Variants in STAG2 observed in about 807,000 individuals in gnomAD.
STAG2 encodes STAG2 cohesin complex component.
In STAG2, 14 loss-of-function variants were observed where a neutral mutation model predicts 108.1. That is an observed-to-expected ratio of 0.13 (90% CI 0.09 to 0.20). STAG2 has a LOEUF of 0.20. STAG2 is among the 10% of genes least tolerant of loss of function. The pLI, the probability that STAG2 is intolerant of heterozygous loss-of-function variation, is 1.00. For missense variants in STAG2, 440 were observed against 940.9 expected, an observed-to-expected ratio of 0.47 and a Z score of 6.96; for synonymous variants, 307 against 302.7, an observed-to-expected ratio of 1.01 and a Z score of -0.15.
chrX:124,054,412 T>G (rs907565005), intron 13 of STAG2, among the ~76,000 whole-genome samples: 1 of 112,209 alleles, frequency 8.9e-6, no homozygotes. Context: ...CTCACTTACC[T>G]TGGAATTTCT....
chrX:124,035,515 T>TA (rs2057489552), intron 5 of STAG2, among the ~76,000 whole-genome samples: 4 of 112,021 alleles, frequency 3.6e-5, no homozygotes, highest in African/African-American at 1.3e-4. Context: ...ACAACAATCA[T>TA]TTTATTATGC....
chrX:124,062,504 T>C (rs2058412586), intron 17 of STAG2, among the ~76,000 whole-genome samples: 1 of 112,439 alleles, frequency 8.9e-6, no homozygotes, highest in South Asian at 3.6e-4. Context: ...AGCAATTTAG[T>C]GTTTTGAATT....
At position 124,100,650 on chromosome X, in the gene STAG2, A is replaced by G. The variant is rs1200439552; in HGVS notation, c.*53A>G. 3.0e-6 allele frequency: 3 copies of G among 1,011,652 alleles called. No homozygotes were observed. The highest frequency in any genetic ancestry group is 4.0e-5 in the South Asian group (2 of 50,463). 83.4% of individuals were successfully genotyped at this position (1,011,652 alleles called of 1,213,427 possible). ...AAGTCATTTTCTAAGTGGAAGAGGA[A>G]ATTTTAAAGTGTGGTAGATACAGTG... On this transcript the variant is annotated 3_prime_UTR_variant, in exon 35 of 35. Transcript: ENST00000371145.
chrX:124,033,101 A>G (rs2057397447), intron 5 of STAG2, among the ~76,000 whole-genome samples: 1 of 112,362 alleles, frequency 8.9e-6, no homozygotes, highest in Non-Finnish European at 1.9e-5. Flanking sequence ...AAATCCGTTT[A>G]TTAATGTTTG....
chrX:123,967,961 C>T (rs1350588336), intron 1 of STAG2, among the ~76,000 whole-genome samples: 3 of 106,661 alleles, frequency 2.8e-5, no homozygotes, highest in South Asian at 4.2e-4. Flanking sequence ...GGTGCAGTGG[C>T]GAGATCTTGG....
At chrX:124,064,710 C>T (rs1364726327) in intron 20 of STAG2, among the ~76,000 whole-genome samples, 1 of 111,220 alleles carries the variant, frequency 9.0e-6, no homozygotes, top group African/African-American at 3.3e-5. Flanking sequence ...TTGCAAAGTG[C>T]TGGGATTACA....
chrX:124,088,780 A>G (rs1016012359), intron 30 of STAG2, among the ~76,000 whole-genome samples: 2 of 107,540 alleles, frequency 1.9e-5, no homozygotes, highest in Middle Eastern at 4.9e-3. Context: ...ACACCTGGCT[A>G]ATTTTGTATT....
intron 1 of STAG2, among the ~76,000 whole-genome samples, chrX:123,980,867 A>C (rs1433466883): frequency 9.0e-6 from 1 of 111,552 alleles, no homozygotes; most frequent in African/African-American, 3.3e-5. Flanking sequence ...ATATGATTGG[A>C]ATTTCTGGAG....
intron 15 of STAG2, 82 bp downstream of exon 15, chrX:124,058,059 T>G: frequency 2.0e-6 from 1 of 500,701 alleles, no homozygotes; most frequent in Non-Finnish European, 3.2e-6. Flanking sequence ...TAAAAAAATA[T>G]TCCTTGTAGC....
At chrX:124,018,451 TG>T (rs2056805706) in intron 1 of STAG2, among the ~76,000 whole-genome samples, 4 of 13,151 alleles carry the variant, frequency 3.0e-4, no homozygotes, top group Admixed American at 1.5e-3. Flanking sequence ...ACACATTGGA[TG>T]GATGGATGGA....
At chrX:124,096,475 AT>A (rs748406167) in intron 34 of STAG2, among the ~76,000 whole-genome samples, 8 of 110,064 alleles carry the variant, frequency 7.3e-5, no homozygotes, top group African/African-American at 1.7e-4. Context: ...ACTTCCACAG[AT>A]TTTTTTTTCT....
In STAG2 at chrX:124,072,880, TTTTC is replaced by T. The variant is rs1173440485; in HGVS notation, c.2533+1581_2533+1584del. Among the ~76,000 whole-genome samples the T allele has an allele frequency of 1.6e-3, 160 of 100,915 alleles. 1 individual carries two copies. In the East Asian group the frequency reaches 0.026, roughly 16 times the overall value. The allele number at this position is 100,915 out of a possible 115,157, so 87.6% of individuals were successfully genotyped here. A position where few individuals can be genotyped will look rare whatever the true frequency, so the allele number is the denominator to read the frequency against. ...CACGCCCAGCTAATTTTTCTTTTTT[TTTTC>T]TTTCTTTCTTTCTTTCTTTCTTTTT... On this transcript the variant is annotated intron_variant, in intron 25 of 34. Transcript: ENST00000371145.
In STAG2 at chrX:124,068,034, C is replaced by CAA. The variant is rs11366862; in HGVS notation, c.2266-519_2266-518dup. On this transcript the variant is annotated intron_variant, in intron 23 of 34. Transcript: ENST00000371145. ...CTGGGCAATAGAGTGAGCTCCATCTCAAAAAAAAAAAACCCAATAAAAATA... is the reference window on the plus strand; with the variant it reads ...CTGGGCAATAGAGTGAGCTCCATCTCAAAAAAAAAAAAAACCCAATAAAAATA... 1.2e-4 allele frequency among the ~76,000 whole-genome samples: 11 copies of CAA among 90,490 alleles called. No individual in the cohort carries two copies. The South Asian group carries it at 4.3e-3, about 35-fold the overall frequency. 78.6% of individuals were successfully genotyped at this position (90,490 alleles called of 115,157 possible).
intron 32 of STAG2, among the ~76,000 whole-genome samples, chrX:124,091,777 T>C (rs1291352388): frequency 1.8e-5 from 2 of 112,844 alleles, no homozygotes; most frequent in Non-Finnish European, 3.7e-5. Flanking sequence ...CTATCAGTGC[T>C]TGGCACGTAA....
chrX:123,974,386 C>G (rs1344825359), intron 1 of STAG2, among the ~76,000 whole-genome samples: 1 of 107,979 alleles, frequency 9.3e-6, no homozygotes, highest in Non-Finnish European at 1.9e-5. Context: ...GCACCCGCCA[C>G]CAGGCCTGGC....
chrX:124,042,557 T>G lies in STAG2; in HGVS notation c.386-12T>G, dbSNP rs1293835583. Reference sequence around the variant, plus strand: ...ACACCATATATTAACTTCTGACATTTGCAAATTTCAGGAGTTGTCACAGCA... The same window carrying G: ...ACACCATATATTAACTTCTGACATTGGCAAATTTCAGGAGTTGTCACAGCA... On this transcript the variant is annotated splice_polypyrimidine_tract_variant and intron_variant, in intron 6 of 34. Transcript: ENST00000371145. 1.1e-5 allele frequency: 13 copies of G among 1,181,314 alleles called. No individual in the cohort carries two copies. Among genetic ancestry groups the G allele is most frequent in the Non-Finnish European group, 1.4e-5 (12 of 869,472 alleles).
intron 1 of STAG2, among the ~76,000 whole-genome samples, chrX:124,005,148 A>AT (rs1016306604): frequency 9.0e-6 from 1 of 111,187 alleles, no homozygotes; most frequent in Non-Finnish European, 1.9e-5. Flanking sequence ...TTTTATTTGT[A>AT]TTTTTTTTAT....
intron 1 of STAG2, among the ~76,000 whole-genome samples, chrX:123,981,741 A>G (rs2054887820): frequency 9.0e-6 from 1 of 111,379 alleles, no homozygotes; most frequent in Admixed American, 9.6e-5. Context: ...CACTGTGCTA[A>G]GCACTGGGGA....
At chrX:124,028,953 G>A (rs2057217372) in intron 4 of STAG2, among the ~76,000 whole-genome samples, 1 of 99,522 alleles carries the variant, frequency 1.0e-5, no homozygotes, top group Non-Finnish European at 2.0e-5. Context: ...GCTCCCGGTC[G>A]TTTTAATATT....
Sources: allele counts gnomAD v4.1 joint callset (sites outside exome capture counted in the v4.1 genomes callset), GRCh38; gene constraint gnomAD v4.1.1; transcripts MANE v1.5; gene names NCBI Gene and HGNC (gene_info 2026-07-23, HGNC 2026-07-21).